MIER2: variants seen among roughly 807,000 people sequenced by gnomAD.
The protein encoded by MIER2 is mesoderm induction early response protein 2.
In MIER2, 30 loss-of-function variants were observed where a neutral mutation model predicts 67.6. The observed-to-expected ratio is 0.44, with a 90% CI of 0.33 to 0.60. The LOEUF is 0.60. Ranked by LOEUF, MIER2 falls within the 20% of genes least tolerant of loss-of-function variation. MIER2 has a pLI of 0.02. For missense variants in MIER2, 702 were observed against 745.1 expected (o/e 0.94, Z 0.67); for synonymous variants, 372 against 312.6 (o/e 1.19, Z -2.00).
rs963683572 is a variant in MIER2, at chr19:313,344, G to C, written c.807+148C>G. Reference sequence around the variant, plus strand: ...TTTTAATTGGCCCCCCTTCTGACCTGAGTAGCTGTTCCAGTGCCCTGGCCC... The same window carrying C: ...TTTTAATTGGCCCCCCTTCTGACCTCAGTAGCTGTTCCAGTGCCCTGGCCC... On this transcript the variant is annotated intron_variant, in intron 8 of 13. Coordinates refer to ENST00000264819, the MANE Select transcript of MIER2 (RefSeq NM_017550.3). The C allele has an allele frequency of 7.3e-5, 95 of 1,296,632 alleles. No individual in the cohort carries two copies. In the Middle Eastern group the frequency reaches 1.1e-3, roughly 15 times the overall value. 80.3% of individuals were successfully genotyped at this position (1,296,632 alleles called of 1,614,324 possible).
chr19:336,945 T>A (rs1000719565), intron 1 of MIER2, among the ~76,000 whole-genome samples: 6 of 151,890 alleles, frequency 4.0e-5, no homozygotes, highest in Admixed American at 3.9e-4. Context: ...CAGGTTCAAG[T>A]GATTCTCCTG....
At chr19:343,792 C>T (rs1972612071) in intron 1 of MIER2, 2 of 971,780 alleles carry the variant, frequency 2.1e-6, no homozygotes, top group Admixed American at 6.2e-5. Flanking sequence ...ACCTCGCAGC[C>T]GCCGCACCTT....
In MIER2 at chr19:308,520, C is replaced by T. The variant is rs948090440; in HGVS notation, c.1198+57G>A. ...GCAGGAGAGGCTCCACCGGGCCTCA[C>T]TCACGGCTCCAGACCCGTGGCCGCC... On this transcript the variant is annotated intron_variant, in intron 12 of 13. Transcript: ENST00000264819. This position sits in a 1 kb window ranked among gnomAD's most constrained non-coding sequence, Gnocchi z 9.1. The T allele has an allele frequency of 2.0e-6, 3 of 1,510,434 alleles. No individual in the cohort carries two copies. The highest frequency in any genetic ancestry group is 2.8e-5 in the African/African-American group (2 of 72,536). 93.6% of individuals were successfully genotyped at this position (1,510,434 alleles called of 1,614,324 possible). A position where few individuals can be genotyped will look rare whatever the true frequency, so the allele number is the denominator to read the frequency against.
At chr19:320,075 T>TA (rs1170997889) in intron 7 of MIER2, among the ~76,000 whole-genome samples, 3 of 152,130 alleles carry the variant, frequency 2.0e-5, no homozygotes, top group Non-Finnish European at 4.4e-5. Context: ...GGTGTCCACT[T>TA]AAAGACGCCT....
chr19:315,779 T>C (rs1016892238), intron 7 of MIER2, among the ~76,000 whole-genome samples: 11 of 152,172 alleles, frequency 7.2e-5, no homozygotes, highest in African/African-American at 2.4e-4. Flanking sequence ...CAGCACAAAA[T>C]CTGAAGAGGT....
At position 307,484 on chromosome 19, in the gene MIER2, G is replaced by T; in HGVS notation, c.1251C>A (p.Ala417=). ...GCTCCGAGGACGGGAGTCCATCAGA[G>T]GCCACTCCGGGCTCATCGAGACCAC... ...TAGGLDEPGV[A]SDGLPSSEPG... The change falls in exon 13 of 14, where the codon GCC becomes GCA. Residue 417 remains alanine (A), a synonymous_variant. Coordinates refer to ENST00000264819, the MANE Select transcript of MIER2 (RefSeq NM_017550.3). 1 of 1,531,382 alleles carries T rather than the reference G, an allele frequency of 6.5e-7. No individual in the cohort carries two copies. The allele number at this position is 1,531,382 out of a possible 1,614,324, so 94.9% of individuals were successfully genotyped here.
chr19:311,115 G>A (rs763439710), intron 10 of MIER2, among the ~76,000 whole-genome samples: 6 of 152,214 alleles, frequency 3.9e-5, no homozygotes, highest in African/African-American at 7.2e-5. Flanking sequence ...AATGGAGCAC[G>A]GTCCCAGGAC....
rs1270596903 is a variant in MIER2, at chr19:308,881, C to T, written c.1029G>A (p.Leu343=). The T allele has an allele frequency of 6.2e-7, 1 of 1,611,654 alleles. No individual in the cohort carries two copies. The highest frequency in any genetic ancestry group is 2.2e-5 in the East Asian group (1 of 44,770). Residue 343 remains leucine (L), a synonymous_variant, in exon 11 of 14, where the codon CTG becomes CTA. Transcript: ENST00000264819. The surrounding 1 kb of genome is among the most constrained non-coding windows in gnomAD (Gnocchi z 9.1). ...SVGECVEYYY[L]WKKSERYDYF... is the part of the protein sequence containing the mutation. The stretch of plus-strand genomic sequence containing the variant: ...AGTCGTAGCGCTCCGACTTCTTCCA[C>T]AGGTAGTAGTACTCGACACACTCGC...
At chr19:317,255 C>T (rs925243933) in intron 7 of MIER2, among the ~76,000 whole-genome samples, 12 of 151,602 alleles carry the variant, frequency 7.9e-5, no homozygotes, top group South Asian at 2.1e-4. Context: ...AGGCCGGGCG[C>T]GGTGGCGGGC....
Position 307,348 on chromosome 19 carries a change from C to G in MIER2, c.1387G>C (p.Glu463Gln), listed in dbSNP as rs1970698934. ...ASYQPAVTAP[E>Q]PDASPRLAVD... is the part of the protein sequence containing the mutation. ...GCCAGCCTTGGGCTGGCGTCTGGCT[C>G]CGGAGCAGTGACAGCTGGCTGGTAT... The change falls in exon 13 of 14, where the codon GAG (glutamate) becomes CAG (glutamine). Residue 463 changes from glutamate (E) to glutamine (Q), a missense_variant. Glu to Gln is a conservative substitution (Grantham distance 29, BLOSUM62 2). Coordinates refer to ENST00000264819, the MANE Select transcript of MIER2 (RefSeq NM_017550.3). 6.2e-6 allele frequency: 10 copies of G among 1,604,752 alleles called. No individual in the cohort carries two copies. Among genetic ancestry groups the G allele is most frequent in the South Asian group, 3.4e-5 (3 of 89,162 alleles).
intron 7 of MIER2, among the ~76,000 whole-genome samples, chr19:318,785 G>A (rs978434102): frequency 2.6e-4 from 40 of 152,220 alleles, no homozygotes; most frequent in South Asian, 6.2e-4. Flanking sequence ...GGCTGGGCGC[G>A]GTGGCTCACA....
intron 3 of MIER2, among the ~76,000 whole-genome samples, chr19:329,335 T>C (rs182066087): frequency 2.2e-4 from 33 of 152,280 alleles, no homozygotes; most frequent in Admixed American, 6.5e-4. Context: ...ATTATGAAGG[T>C]GGGAAGGTTG....
rs777926053 is a variant in MIER2 at position 307,213 on chromosome 19, C to G, written c.1522G>C (p.Glu508Gln). 1 of 1,591,334 alleles carries G rather than the reference C, an allele frequency of 6.3e-7. No homozygotes were observed. The highest frequency in any genetic ancestry group is 8.6e-7 in the Non-Finnish European group (1 of 1,169,336). ...TCCCCAATGCCGATGAGTCCAAACT[C>G]GGTGACCGACAAAGCCACCTGTGCT... ...APAQVALSVT[E>Q]FGLIGIGDVN... Residue 508 changes from glutamate to glutamine, a missense_variant, in exon 13 of 14, where the codon GAG (glutamate) becomes CAG (glutamine). By Grantham distance (29) the Glu-to-Gln change is conservative (BLOSUM62 2). Transcript: ENST00000264819.
At chr19:324,925 C>T (rs903386450) in intron 7 of MIER2, among the ~76,000 whole-genome samples, 2 of 152,372 alleles carry the variant, frequency 1.3e-5, no homozygotes, top group East Asian at 1.9e-4. Flanking sequence ...CCTCTTCTCA[C>T]ACGGGGCACC....
At chr19:314,757 C>A (rs1971161750) in intron 7 of MIER2, among the ~76,000 whole-genome samples, 1 of 152,062 alleles carries the variant, frequency 6.6e-6, no homozygotes, top group Non-Finnish European at 1.5e-5. Context: ...AAAAAGAACA[C>A]CACATACAGC....
In MIER2 at chr19:312,269, G is replaced by A; in HGVS notation, c.811C>T (p.Leu271=). 1 of 1,613,844 alleles carries A rather than the reference G, an allele frequency of 6.2e-7. No individual in the cohort carries two copies. Among genetic ancestry groups the A allele is most frequent in the South Asian group, 1.1e-5 (1 of 91,086 alleles). Residue 271 remains leucine (L), a synonymous_variant, in exon 9 of 14, where the codon CTG becomes TTG. Coordinates refer to ENST00000264819, the MANE Select transcript of MIER2 (RefSeq NM_017550.3). ...GEAVKDSEQA[L]YELVKCNFNV... ...AAGTTGCATTTCACCAACTCGTACAGCGCCTGGGGAGAGGACATGTTGGCT... is the reference window on the plus strand; with the variant it reads ...AAGTTGCATTTCACCAACTCGTACAACGCCTGGGGAGAGGACATGTTGGCT...
intron 7 of MIER2, among the ~76,000 whole-genome samples, chr19:315,173 T>G (rs1030264796): frequency 6.8e-6 from 1 of 148,048 alleles, no homozygotes; most frequent in Non-Finnish European, 1.5e-5. Context: ...GAGACCAGCC[T>G]GGCAAACATG....
chr19:321,148 A>G (rs1251555002), intron 7 of MIER2, among the ~76,000 whole-genome samples: 30 of 152,290 alleles, frequency 2.0e-4, no homozygotes, highest in Admixed American at 6.5e-5. Flanking sequence ...GACACTCTAC[A>G]CACATCTGCT....
intron 7 of MIER2, 37 bp from the exon 8 acceptor site, chr19:313,680 C>A (rs759602304): frequency 6.3e-7 from 1 of 1,596,354 alleles, no homozygotes; most frequent in Non-Finnish European, 8.5e-7. Context: ...CTTGCAGGAA[C>A]CCAATCTGCA....
Sources: gnomAD v4.1 joint callset for allele counts (sites outside exome capture counted in the v4.1 genomes callset) on GRCh38, gnomAD v4.1.1 for gene constraint, Gnocchi (gnomAD v3.1) non-coding constraint, MANE v1.5 for transcripts, NCBI Gene and HGNC (gene_info 2026-07-23, HGNC 2026-07-21) for gene names.